The following TDP1 variants were observed in gnomAD, a reference collection of about 807,000 sequenced individuals.
TDP1 encodes the protein tyrosyl-DNA phosphodiesterase 1.
TDP1 carries 64 observed loss-of-function variants against 81.5 expected under a neutral mutation model. The ratio of observed to expected loss-of-function variants is 0.79; its 90% CI spans 0.64 to 0.97. The LOEUF (loss-of-function observed/expected upper bound fraction) is 0.97, where lower values mean the gene tolerates loss of function less well. Among genes scored for constraint, TDP1 ranks in the 50% least tolerant of loss-of-function variants. TDP1 has a pLI of 0.00. For missense variants in TDP1, 723 were observed against 743.8 expected (o/e 0.97, Z 0.33); for synonymous variants, 256 against 264.3 (o/e 0.97, Z 0.30).
At position 89,963,147 on chromosome 14, in the gene TDP1, C is replaced by T. The variant is rs1233904084; in HGVS notation, c.33C>T (p.Thr11=). MSQEGDYGRW[T]ISSSDESEEE... ...AGGAAGGCGATTATGGGAGGTGGAC[C>T]ATATCTAGTAGTGATGAAAGTGAGG... Residue 11 remains threonine, a synonymous_variant, in exon 3 of 17, where the codon ACC becomes ACT. Transcript: ENST00000335725. 9 of 1,613,924 alleles carry T rather than the reference C, an allele frequency of 5.6e-6. No homozygotes were observed. The highest frequency in any genetic ancestry group is 6.8e-6 in the Non-Finnish European group (8 of 1,180,028).
At chr14:90,000,546 C>T (rs921848864) in intron 14 of TDP1, among the ~76,000 whole-genome samples, 7 of 152,022 alleles carry the variant, frequency 4.6e-5, no homozygotes, top group African/African-American at 9.7e-5. Context: ...CACCAGACCA[C>T]GGCTAATTTT....
intron 15 of TDP1, among the ~76,000 whole-genome samples, chr14:90,021,677 T>C (rs1185153793): frequency 2.6e-5 from 4 of 152,202 alleles, no homozygotes; most frequent in Non-Finnish European, 5.9e-5. Context: ...TCTTCTATAT[T>C]TTGGAATAAG....
At chr14:89,975,966 A>C (rs1422773202) in intron 7 of TDP1, 151 bp downstream of exon 7, 3 of 728,700 alleles carry the variant, frequency 4.1e-6, no homozygotes, top group Admixed American at 4.3e-5. Flanking sequence ...TCTTTTATTT[A>C]ATGCTCTTAT....
chr14:89,976,458 C>T lies in TDP1; in HGVS notation c.791+643C>T, dbSNP rs948352755. 2.0e-5 allele frequency among the ~76,000 whole-genome samples: 3 copies of T among 151,214 alleles called. No individual in the cohort carries two copies. In the East Asian group the frequency reaches 5.9e-4, roughly 29 times the overall value. On this transcript the variant is annotated intron_variant, in intron 7 of 16. Coordinates refer to ENST00000335725, the MANE Select transcript of TDP1 (RefSeq NM_018319.4). The stretch of plus-strand genomic sequence containing the variant: ...ATTGCTAAAATTTACCTTATTATTT[C>T]CTTTGGTCCATTCACCACTACCCCC...
At chr14:89,971,147 A>G (rs1402391817) in intron 5 of TDP1, 28 bp from the exon 6 acceptor site, 3 of 1,588,784 alleles carry the variant, frequency 1.9e-6, no homozygotes, top group Non-Finnish European at 2.6e-6. Context: ...TGAATGATGT[A>G]TATTAAATAC....
chr14:89,994,411 T>C (rs1490714573), intron 14 of TDP1, among the ~76,000 whole-genome samples: 1 of 152,198 alleles, frequency 6.6e-6, no homozygotes, highest in African/African-American at 2.4e-5. Flanking sequence ...TTCTACTTTA[T>C]TGGAAAAGTT....
intron 14 of TDP1, among the ~76,000 whole-genome samples, chr14:89,994,974 A>C (rs1419416936): frequency 6.6e-6 from 1 of 152,256 alleles, no homozygotes; most frequent in Non-Finnish European, 1.5e-5. Context: ...AAGTTAAGTC[A>C]AAAAACATCC....
At chr14:90,007,874 G>A (rs985459874) in intron 14 of TDP1, among the ~76,000 whole-genome samples, 12 of 152,110 alleles carry the variant, frequency 7.9e-5, no homozygotes, top group Middle Eastern at 3.2e-3. Flanking sequence ...TGGGATTACA[G>A]GCGTGAACCA....
rs189455322 is a variant in TDP1, at chr14:89,969,854, G to C, written c.660-1321G>C. On this transcript the variant is annotated intron_variant, in intron 5 of 16. Coordinates refer to ENST00000335725, the MANE Select transcript of TDP1 (RefSeq NM_018319.4). Reference sequence around the variant, plus strand: ...ATCCAATTTTTGTTGTGTTGGGAGAGCTTGTAGAAATATACTTATTTCTTT... The same window carrying C: ...ATCCAATTTTTGTTGTGTTGGGAGACCTTGTAGAAATATACTTATTTCTTT... 3.3e-5 allele frequency among the ~76,000 whole-genome samples: 5 copies of C among 150,376 alleles called. No individual in the cohort carries two copies. In the Admixed American group the frequency reaches 3.3e-4, roughly 10 times the overall value.
In TDP1 at chr14:90,033,218, A is replaced by C. The variant is rs762868424; in HGVS notation, c.1753+4A>C. 1 of 1,553,270 alleles carries C rather than the reference A, an allele frequency of 6.4e-7. No homozygotes were observed. Among genetic ancestry groups the C allele is most frequent in the Non-Finnish European group, 8.9e-7 (1 of 1,124,856 alleles). ...CCAGAACTGTATGGAAGTAAAGGTG[A>C]GACACAGATAAAGGAAAACCACGGG... is the stretch of plus-strand genomic sequence containing the variant. On this transcript the variant is annotated splice_donor_region_variant and intron_variant, in intron 16 of 16. Transcript: ENST00000335725.
chr14:90,029,813 A>G (rs1462861906), intron 15 of TDP1, among the ~76,000 whole-genome samples: 1 of 152,160 alleles, frequency 6.6e-6, no homozygotes, highest in African/African-American at 2.4e-5. Context: ...CACTTTTAAT[A>G]GCTGTGTGGC....
rs542518779 is a variant in TDP1, at chr14:89,976,254, C to T, written c.791+439C>T. On this transcript the variant is annotated intron_variant, in intron 7 of 16. Coordinates refer to ENST00000335725, the MANE Select transcript of TDP1 (RefSeq NM_018319.4). ...CCGAGCAGCTGGGACTACAGGCACA[C>T]GCCACCATGCCTGGCTAATTTTTTT... Among the ~76,000 whole-genome samples, 15 of 151,568 alleles carry T rather than the reference C, an allele frequency of 9.9e-5. No homozygotes were observed. In the Middle Eastern group the frequency reaches 0.01, roughly 103 times the overall value.
chr14:90,027,138 T>G (rs1886757540), intron 15 of TDP1, among the ~76,000 whole-genome samples: 1 of 152,226 alleles, frequency 6.6e-6, no homozygotes, highest in Admixed American at 6.5e-5. Context: ...CCTGACTTTT[T>G]AATGATCGCC....
At chr14:90,019,547 G>A (rs1258301521) in intron 15 of TDP1, 129 bp downstream of exon 15, 4 of 700,974 alleles carry the variant, frequency 5.7e-6, no homozygotes, top group Non-Finnish European at 1.0e-5. Context: ...CCCAGAGCCT[G>A]CACTCTTAAC....
chr14:89,981,057 G>A (rs1894917169), intron 8 of TDP1, among the ~76,000 whole-genome samples: 1 of 152,126 alleles, frequency 6.6e-6, no homozygotes, highest in African/African-American at 2.4e-5. Flanking sequence ...GATAGCTTTT[G>A]TGATTTCTCC....
At chr14:89,963,025 A>T in intron 2 of TDP1, 83 bp from the exon 3 acceptor site, 1 of 1,604,086 alleles carries the variant, frequency 6.2e-7, no homozygotes. Context: ...AGCTCATCTG[A>T]CAGGGAAGTT....
intron 16 of TDP1, among the ~76,000 whole-genome samples, chr14:90,035,333 A>G (rs17126535): frequency 0.057 from 8,611 of 152,208 alleles, 522 homozygotes; most frequent in African/African-American, 0.15. Flanking sequence ...AAAGTGTGGA[A>G]ATCCCCTATG....
chr14:89,974,049 T>C (rs1055581152), intron 6 of TDP1, among the ~76,000 whole-genome samples: 2 of 152,114 alleles, frequency 1.3e-5, no homozygotes, highest in African/African-American at 4.8e-5. Flanking sequence ...TCTCTGCAAA[T>C]AGTCACATTG....
chr14:90,010,709 G>C (rs369886769), intron 14 of TDP1, among the ~76,000 whole-genome samples: 2 of 152,178 alleles, frequency 1.3e-5, no homozygotes, highest in Non-Finnish European at 2.9e-5. Flanking sequence ...TTCTTCCTGA[G>C]GGCCTCTGGA....
Sources: allele counts gnomAD v4.1 joint callset (sites outside exome capture counted in the v4.1 genomes callset), GRCh38; gene constraint gnomAD v4.1.1; transcripts MANE v1.5; gene names NCBI Gene and HGNC (gene_info 2026-07-23, HGNC 2026-07-21).